Variants in PCDHA12 observed in about 807,000 individuals in gnomAD.
PCDHA12 encodes the protein protocadherin alpha-12.
PCDHA12 carries 44 observed loss-of-function variants against 60.0 expected under a neutral mutation model. The observed-to-expected ratio is 0.73, with a 90% CI of 0.58 to 0.94. The LOEUF (loss-of-function observed/expected upper bound fraction) is 0.94. PCDHA12 is among the 40% of genes least tolerant of loss of function. PCDHA12 has a pLI of 0.00. For missense variants in PCDHA12, 1,276 were observed against 1,239.7 expected (o/e 1.03, Z -0.44); for synonymous variants, 569 against 553.0 (o/e 1.03, Z -0.40).
intron 1 of PCDHA12, chr5:140,882,682 A>G (rs782727780): frequency 9.3e-6 from 15 of 1,614,080 alleles, no homozygotes; most frequent in Admixed American, 3.3e-5. Context: ...AAAGCAAGAA[A>G]CGAATAATCA....
chr5:140,978,175 G>A (rs1163383689), intron 1 of PCDHA12, among the ~76,000 whole-genome samples: 1 of 152,170 alleles, frequency 6.6e-6, no homozygotes, highest in Admixed American at 6.5e-5. Context: ...TTTGTAGAGA[G>A]AGGGCAACAG....
chr5:141,004,632 GA>G (rs1401867459), intron 3 of PCDHA12, among the ~76,000 whole-genome samples: 19 of 152,200 alleles, frequency 1.2e-4, no homozygotes, highest in African/African-American at 3.4e-4. Context: ...TATGGTTGAA[GA>G]AAAATTTCCA....
Position 140,924,886 on chromosome 5 carries a change from A to C in PCDHA12, c.2367+47047A>C, listed in dbSNP as rs190850675. ...CTCCAGCCTGGGTGACAGAGCAAGAACCTGTCTCAAAAAAAAAAATAAAAT... is the reference window on the plus strand; with the variant it reads ...CTCCAGCCTGGGTGACAGAGCAAGACCCTGTCTCAAAAAAAAAAATAAAAT... On this transcript the variant is annotated intron_variant, in intron 1 of 3. Transcript: ENST00000398631. Among the ~76,000 whole-genome samples, 1,191 of 137,252 alleles carry C rather than the reference A, an allele frequency of 8.7e-3. 7 individuals carry two copies. Among genetic ancestry groups the C allele is most frequent in the African/African-American group, 0.022 (767 of 35,510 alleles). The allele number at this position is 137,252 out of a possible 152,430, so 90.0% of individuals were successfully genotyped here.
chr5:140,905,048 C>A (rs2153487978), intron 1 of PCDHA12, among the ~76,000 whole-genome samples: 1 of 152,186 alleles, frequency 6.6e-6, no homozygotes, highest in African/African-American at 2.4e-5. Flanking sequence ...TAATTAGGTC[C>A]CATTTATTTA....
At position 140,927,603 on chromosome 5, in the gene PCDHA12, A is replaced by G. The variant is rs538616533; in HGVS notation, c.2367+49764A>G. On this transcript the variant is annotated intron_variant, in intron 1 of 3. Coordinates refer to ENST00000398631, the MANE Select transcript of PCDHA12 (RefSeq NM_018903.4). ...ACGCGCCTGTATTTGAGCGCTCCGT[A>G]TACCGCACCAAGGTTCCAGAGACTG... 8.1e-6 allele frequency: 13 copies of G among 1,614,190 alleles called. No homozygotes were observed. In the Admixed American group the frequency reaches 1.2e-4, roughly 14 times the overall value.
chr5:140,891,591 A>T (rs782194139), intron 1 of PCDHA12, among the ~76,000 whole-genome samples: 1 of 152,092 alleles, frequency 6.6e-6, no homozygotes, highest in Non-Finnish European at 1.5e-5. Flanking sequence ...TTATTACTCT[A>T]TCCCATCTAT....
intron 1 of PCDHA12, among the ~76,000 whole-genome samples, chr5:140,893,588 A>G (rs2064072698): frequency 6.6e-6 from 1 of 152,212 alleles, no homozygotes; most frequent in South Asian, 2.1e-4. Flanking sequence ...TTGTTTGGGA[A>G]ATACTTTATT....
chr5:140,971,642 A>G (rs1586490477), intron 1 of PCDHA12, among the ~76,000 whole-genome samples: 1 of 152,330 alleles, frequency 6.6e-6, no homozygotes, highest in East Asian at 1.9e-4. Flanking sequence ...ATGTGCCTAC[A>G]TTAAAAGTAG....
intron 3 of PCDHA12, among the ~76,000 whole-genome samples, chr5:141,003,043 C>T (rs2098108698): frequency 6.6e-6 from 1 of 152,198 alleles, no homozygotes; most frequent in Non-Finnish European, 1.5e-5. Flanking sequence ...CCCTCCTGGC[C>T]TTAACAGAAC....
intron 1 of PCDHA12, among the ~76,000 whole-genome samples, chr5:140,954,817 T>G (rs1461497595): frequency 1.3e-5 from 2 of 152,224 alleles, no homozygotes; most frequent in Non-Finnish European, 2.9e-5. Flanking sequence ...TGAAATTGCT[T>G]TAGGCACTTT....
chr5:140,950,526 T>C (rs190195358), intron 1 of PCDHA12, among the ~76,000 whole-genome samples: 17 of 152,212 alleles, frequency 1.1e-4, no homozygotes, highest in Admixed American at 9.2e-4. Flanking sequence ...GATATGATTG[T>C]TTTTGTTGCT....
chr5:141,000,387 C>CTA (rs2097910380), intron 3 of PCDHA12, among the ~76,000 whole-genome samples: 5 of 66,898 alleles, frequency 7.5e-5, no homozygotes, highest in Non-Finnish European at 1.1e-4. Context: ...CTCTCTCTCT[C>CTA]TCTCTCTCTA....
Position 140,876,557 on chromosome 5 carries a change from A to C in PCDHA12, c.1085A>C (p.Asp362Ala). The C allele has an allele frequency of 6.2e-7, 1 of 1,614,156 alleles. No individual in the cohort carries two copies. The highest frequency in any genetic ancestry group is 1.7e-5 in the Admixed American group (1 of 60,020). ...TCACTGTCGCTCCCTGTGCAAGAGG[A>C]TGCTCAGGTGGGTACCGTCATTGCC... ...VTSLSLPVQE[D>A]AQVGTVIALI... is the part of the protein sequence containing the mutation. Residue 362 changes from aspartate (D) to alanine (A), a missense_variant, in exon 1 of 4, where the codon GAT becomes GCT. Asp to Ala is a moderately radical substitution (Grantham distance 126). Coordinates refer to ENST00000398631, the MANE Select transcript of PCDHA12 (RefSeq NM_018903.4).
At chr5:140,964,941 G>A (rs1223587543) in intron 1 of PCDHA12, among the ~76,000 whole-genome samples, 1 of 152,242 alleles carries the variant, frequency 6.6e-6, no homozygotes, top group African/African-American at 2.4e-5. Context: ...AGCATTGATA[G>A]TGAGTGTGCT....
At position 140,910,081 on chromosome 5, in the gene PCDHA12, A is replaced by G. The variant is rs183187398; in HGVS notation, c.2367+32242A>G. 2.8e-3 allele frequency among the ~76,000 whole-genome samples: 421 copies of G among 152,330 alleles called. 2 individuals are homozygous for G. Among genetic ancestry groups the G allele is most frequent in the Middle Eastern group, 0.014 (4 of 294 alleles). On this transcript the variant is annotated intron_variant, in intron 1 of 3. Coordinates refer to ENST00000398631, the MANE Select transcript of PCDHA12 (RefSeq NM_018903.4). Reference sequence around the variant, plus strand: ...CTTTTAACAGCGTAAATTGTTGTCAAGGGGAACCAGCCTCCCCTTCATTTA... The same window carrying G: ...CTTTTAACAGCGTAAATTGTTGTCAGGGGGAACCAGCCTCCCCTTCATTTA...
intron 1 of PCDHA12, chr5:140,881,244 C>A (rs1219638908): frequency 4.8e-5 from 19 of 396,890 alleles, no homozygotes; most frequent in Non-Finnish European, 6.2e-5. Context: ...ATTTAAATGA[C>A]GGCAAGGTTT....
intron 3 of PCDHA12, among the ~76,000 whole-genome samples, chr5:140,984,944 TC>T (rs1554246626): frequency 6.6e-6 from 1 of 151,930 alleles, no homozygotes; most frequent in Non-Finnish European, 1.5e-5. Flanking sequence ...AAATGTCTAA[TC>T]TTTTTTTTTT....
At chr5:140,884,533 G>T in intron 1 of PCDHA12, 1 of 1,614,082 alleles carries the variant, frequency 6.2e-7, no homozygotes, top group Non-Finnish European at 8.5e-7. Flanking sequence ...AGCAGAGGCG[G>T]CCGAGGGTGT....
At chr5:140,885,270 A>G (rs251381) in intron 1 of PCDHA12, among the ~76,000 whole-genome samples, 102,023 of 151,894 alleles carry the variant, frequency 0.67, 34,437 homozygotes, top group Middle Eastern at 0.71. Flanking sequence ...ACTCATACAT[A>G]TATATATACA....
Sources: gnomAD v4.1 joint callset for allele counts (sites outside exome capture counted in the v4.1 genomes callset) on GRCh38, gnomAD v4.1.1 for gene constraint, MANE v1.5 for transcripts, NCBI Gene and HGNC (gene_info 2026-07-23, HGNC 2026-07-21) for gene names.